The following CENPP variants were observed in gnomAD, a reference collection of about 807,000 sequenced individuals.
CENPP encodes the protein centromere protein P.
A neutral mutation model predicts 35.6 loss-of-function variants in CENPP; 24 were observed. The observed-to-expected ratio is 0.67, with a 90% CI of 0.49 to 0.95. The LOEUF (loss-of-function observed/expected upper bound fraction) is 0.95. Among genes scored for constraint, CENPP ranks in the 40% least tolerant of loss-of-function variants. The pLI is 0.00. For synonymous variants in CENPP, 120 were observed against 125.5 expected, an observed-to-expected ratio of 0.96 and a Z score of 0.29; for missense variants, 332 against 345.3, an observed-to-expected ratio of 0.96 and a Z score of 0.31.
At chr9:92,545,898 A>G (rs1849431464) in intron 5 of CENPP, among the ~76,000 whole-genome samples, 2 of 151,856 alleles carry the variant, frequency 1.3e-5, no homozygotes, top group Non-Finnish European at 2.9e-5. Context: ...TCTGGTGGGG[A>G]CTTGGAGAAC....
intron 5 of CENPP, among the ~76,000 whole-genome samples, chr9:92,439,979 C>T (rs1410746472): frequency 6.6e-6 from 1 of 152,138 alleles, no homozygotes; most frequent in Non-Finnish European, 1.5e-5. Context: ...TTGAGTTACC[C>T]ATGGTCAACC....
At chr9:92,338,721 G>A (rs1841012118) in intron 3 of CENPP, among the ~76,000 whole-genome samples, 1 of 151,948 alleles carries the variant, frequency 6.6e-6, no homozygotes, top group African/African-American at 2.4e-5. Flanking sequence ...ATTTTGTGTG[G>A]GTCAGGAATT....
chr9:92,593,045 T>C lies in CENPP; in HGVS notation c.565-18269T>C, dbSNP rs1342296055. Reference sequence around the variant, plus strand: ...GAGTAGCTCAGACAACCAGAGCTGCTGGCCCCAGGGCTGGAGGCTTCTCTC... The same window carrying C: ...GAGTAGCTCAGACAACCAGAGCTGCCGGCCCCAGGGCTGGAGGCTTCTCTC... On this transcript the variant is annotated intron_variant, in intron 5 of 7. Transcript: ENST00000375587. The surrounding 1 kb of genome is among the most constrained non-coding windows in gnomAD (Gnocchi z 4.1). Among the ~76,000 whole-genome samples the C allele has an allele frequency of 6.6e-6, 1 of 152,210 alleles. No homozygotes were observed. Among genetic ancestry groups the C allele is most frequent in the Non-Finnish European group, 1.5e-5 (1 of 68,042 alleles).
intron 5 of CENPP, among the ~76,000 whole-genome samples, chr9:92,536,255 T>C (rs1253337645): frequency 6.6e-6 from 1 of 151,812 alleles, no homozygotes; most frequent in African/African-American, 2.4e-5. Context: ...AAAGGCAGAG[T>C]TGGAAACACA....
At chr9:92,426,411 T>C (rs1438605326) in intron 5 of CENPP, among the ~76,000 whole-genome samples, 1 of 152,202 alleles carries the variant, frequency 6.6e-6, no homozygotes, top group Non-Finnish European at 1.5e-5. Context: ...TGCTCATTTG[T>C]TCCACTTTAT....
intron 5 of CENPP, among the ~76,000 whole-genome samples, chr9:92,518,914 C>T (rs1847894429): frequency 6.6e-6 from 1 of 152,092 alleles, no homozygotes; most frequent in African/African-American, 2.4e-5. Context: ...AAATAAAGTT[C>T]ATGATGCAGT....
chr9:92,343,079 G>A (rs781161699), intron 3 of CENPP, among the ~76,000 whole-genome samples: 2 of 152,104 alleles, frequency 1.3e-5, no homozygotes, highest in African/African-American at 2.4e-5. Flanking sequence ...AAATTAAAAA[G>A]TAATCTAAAT....
chr9:92,378,768 T>G (rs532715985), intron 4 of CENPP, among the ~76,000 whole-genome samples: 2 of 152,336 alleles, frequency 1.3e-5, no homozygotes, highest in East Asian at 3.9e-4. Flanking sequence ...TAAGACTCAT[T>G]CCTGTGAGAG....
At chr9:92,350,905 C>T (rs1036562669) in intron 4 of CENPP, among the ~76,000 whole-genome samples, 2 of 152,134 alleles carry the variant, frequency 1.3e-5, no homozygotes, top group East Asian at 1.9e-4. Flanking sequence ...CTTGCCTTAG[C>T]CTCCCAAAGT....
intron 5 of CENPP, among the ~76,000 whole-genome samples, chr9:92,591,921 G>A (rs1428037437): frequency 6.6e-6 from 1 of 151,732 alleles, no homozygotes; most frequent in African/African-American, 2.4e-5. Context: ...ATGAGGTCAG[G>A]AATACTGTCT....
At chr9:92,484,422 G>A (rs1018771273) in intron 5 of CENPP, among the ~76,000 whole-genome samples, 3 of 151,998 alleles carry the variant, frequency 2.0e-5, no homozygotes, top group Admixed American at 6.6e-5. Flanking sequence ...AGATCCATTC[G>A]TGTCATTGTG....
chr9:92,414,989 C>T, intron 5 of CENPP: 1 of 490,782 alleles, frequency 2.0e-6, no homozygotes, highest in Non-Finnish European at 3.5e-6. Flanking sequence ...AGTTCTAATC[C>T]TATGAAATGA....
chr9:92,551,940 T>TGATATATATATATATGATATATATATATG (rs368870400), intron 5 of CENPP, among the ~76,000 whole-genome samples: 1 of 113,386 alleles, frequency 8.8e-6, no homozygotes, highest in Non-Finnish European at 1.8e-5. Context: ...TATATATATA[T>TGATATATATATATATGATATATATATATG]ATATATATAT....
chr9:92,517,777 C>T, intron 5 of CENPP: 1 of 1,614,226 alleles, frequency 6.2e-7, no homozygotes, highest in Non-Finnish European at 8.5e-7. Context: ...TCACAAAGAA[C>T]TCTTCCATCT....
intron 5 of CENPP, among the ~76,000 whole-genome samples, chr9:92,519,032 C>T (rs1409514867): frequency 6.6e-6 from 1 of 152,164 alleles, no homozygotes; most frequent in African/African-American, 2.4e-5. Context: ...TGTTTTTCTT[C>T]CAACCCTGGT....
chr9:92,457,456 T>C, intron 5 of CENPP: 1 of 1,612,106 alleles, frequency 6.2e-7, no homozygotes, highest in East Asian at 2.2e-5. Context: ...CTCCCACTCT[T>C]GCAATTGAAT....
intron 5 of CENPP, among the ~76,000 whole-genome samples, chr9:92,500,512 A>G (rs1440429046): frequency 6.6e-6 from 1 of 152,218 alleles, no homozygotes; most frequent in Non-Finnish European, 1.5e-5. Context: ...GAAATTTATA[A>G]ACATGTGCAA....
chr9:92,415,809 A>G (rs995659250), intron 5 of CENPP, among the ~76,000 whole-genome samples: 2 of 147,432 alleles, frequency 1.4e-5, no homozygotes, highest in African/African-American at 2.5e-5. Flanking sequence ...TTATATATAT[A>G]CATATATAAA....
intron 5 of CENPP, chr9:92,522,931 A>G (rs1441707484): frequency 6.7e-7 from 1 of 1,503,566 alleles, no homozygotes. Context: ...GTGGTGACTA[A>G]ATTTTTACTT....
Sources: gnomAD v4.1 joint callset for allele counts (sites outside exome capture counted in the v4.1 genomes callset) on GRCh38, gnomAD v4.1.1 for gene constraint, Gnocchi (gnomAD v3.1) non-coding constraint, MANE v1.5 for transcripts, NCBI Gene and HGNC (gene_info 2026-07-23, HGNC 2026-07-21) for gene names.